TBL1X: variants seen among roughly 807,000 people sequenced by gnomAD.
The protein encoded by TBL1X is transducin beta like 1 X-linked.
Under a neutral mutation model 50.7 loss-of-function variants are expected in TBL1X, and 10 were observed. That is an observed-to-expected ratio of 0.20 (90% CI 0.12 to 0.33). The LOEUF (loss-of-function observed/expected upper bound fraction) is 0.33, where lower values mean the gene tolerates loss of function less well. Ranked by LOEUF, TBL1X falls within the 10% of genes least tolerant of loss-of-function variation. The pLI is 1.00. For synonymous variants in TBL1X, 190 were observed against 214.7 expected, an observed-to-expected ratio of 0.88 and a Z score of 1.01; for missense variants, 340 against 504.4, an observed-to-expected ratio of 0.67 and a Z score of 3.12.
intron 2 of TBL1X, among the ~76,000 whole-genome samples, chrX:9,566,259 C>T (rs1601761959): frequency 1.8e-5 from 2 of 111,938 alleles, no homozygotes; most frequent in East Asian, 5.6e-4. Flanking sequence ...CTCCGCCAGT[C>T]CTGACAAATA....
At chrX:9,587,527 T>G (rs750431875) in intron 2 of TBL1X, among the ~76,000 whole-genome samples, 1 of 111,716 alleles carries the variant, frequency 9.0e-6, no homozygotes, top group Non-Finnish European at 1.9e-5. Flanking sequence ...ATGTGCCATG[T>G]TTACCAGGGC....
intron 2 of TBL1X, among the ~76,000 whole-genome samples, chrX:9,576,536 CT>C (rs3216372): frequency 2.7e-5 from 3 of 110,175 alleles, no homozygotes; most frequent in African/African-American, 9.9e-5. Flanking sequence ...CAGGTTCATA[CT>C]TTTTTTTTCA....
chrX:9,666,467 T>A (rs1044160738), intron 5 of TBL1X, among the ~76,000 whole-genome samples: 1 of 111,816 alleles, frequency 8.9e-6, no homozygotes, highest in Non-Finnish European at 1.9e-5. Flanking sequence ...GAAACATTAA[T>A]GCATTTAGGT....
At chrX:9,696,871 G>A (rs2083134835) in intron 11 of TBL1X, among the ~76,000 whole-genome samples, 1 of 112,306 alleles carries the variant, frequency 8.9e-6, no homozygotes, top group South Asian at 3.7e-4. Context: ...TTCCATTATC[G>A]GAATGCTGAG....
chrX:9,481,909 T>TA (rs1424159002), intron 1 of TBL1X, among the ~76,000 whole-genome samples: 1 of 112,360 alleles, frequency 8.9e-6, no homozygotes, highest in African/African-American at 3.2e-5. Flanking sequence ...TAGCTGACCT[T>TA]ATGCAAACAC....
intron 2 of TBL1X, among the ~76,000 whole-genome samples, chrX:9,509,260 G>A (rs1256629141): frequency 9.7e-6 from 1 of 103,096 alleles, no homozygotes; most frequent in Non-Finnish European, 2.0e-5. Context: ...GCGTGGTGGC[G>A]GGCACCTGTA....
chrX:9,495,713 A>G (rs767272699), intron 1 of TBL1X, among the ~76,000 whole-genome samples: 3 of 111,929 alleles, frequency 2.7e-5, no homozygotes, highest in Non-Finnish European at 5.6e-5. Context: ...TATTTTCCCC[A>G]TAAGACGCAT....
At chrX:9,512,650 A>G (rs1326173895) in intron 2 of TBL1X, among the ~76,000 whole-genome samples, 1 of 110,510 alleles carries the variant, frequency 9.0e-6, no homozygotes, top group Non-Finnish European at 1.9e-5. Flanking sequence ...GGCATGCGCC[A>G]CCACGCCTGG....
intron 2 of TBL1X, among the ~76,000 whole-genome samples, chrX:9,595,577 C>T (rs1446576073): frequency 8.9e-6 from 1 of 111,842 alleles, no homozygotes; most frequent in Non-Finnish European, 1.9e-5. Context: ...CCCTTCTTGT[C>T]GGTGTCTCAC....
At chrX:9,482,008 G>A (rs1393649539) in intron 1 of TBL1X, among the ~76,000 whole-genome samples, 1 of 112,262 alleles carries the variant, frequency 8.9e-6, no homozygotes, top group East Asian at 2.8e-4. Flanking sequence ...GGACTGGAGA[G>A]AGAAATTATG....
chrX:9,630,238 C>G (rs1229671243), intron 2 of TBL1X, among the ~76,000 whole-genome samples: 1 of 111,740 alleles, frequency 8.9e-6, no homozygotes, highest in Non-Finnish European at 1.9e-5. Flanking sequence ...ATTTAGTGTC[C>G]AGGAATCACT....
chrX:9,586,940 T>G (rs1169867378), intron 2 of TBL1X, among the ~76,000 whole-genome samples: 1 of 112,044 alleles, frequency 8.9e-6, no homozygotes, highest in African/African-American at 3.2e-5. Context: ...AGCGTTACTT[T>G]TTTGTGTGCA....
chrX:9,701,830 G>A (rs1046252625), intron 12 of TBL1X, among the ~76,000 whole-genome samples: 4 of 111,455 alleles, frequency 3.6e-5, no homozygotes, highest in Non-Finnish European at 5.6e-5. Flanking sequence ...TAGCTCAGGC[G>A]ATGTTGTAAA....
chrX:9,572,054 T>C (rs1164493318), intron 2 of TBL1X, among the ~76,000 whole-genome samples: 1 of 112,031 alleles, frequency 8.9e-6, no homozygotes, highest in Non-Finnish European at 1.9e-5. Flanking sequence ...GGCTTGTGAC[T>C]ACTATTTAGA....
At chrX:9,621,285 G>C (rs1313275072) in intron 2 of TBL1X, among the ~76,000 whole-genome samples, 1 of 111,843 alleles carries the variant, frequency 8.9e-6, no homozygotes, top group African/African-American at 3.3e-5. Flanking sequence ...GCACTCAAAG[G>C]TCGGGAAGAT....
intron 2 of TBL1X, among the ~76,000 whole-genome samples, chrX:9,576,712 A>C (rs374252517): frequency 2.8e-5 from 3 of 108,053 alleles, no homozygotes; most frequent in East Asian, 2.9e-4. Context: ...AAAAAAAAAA[A>C]AAAACATCGG....
intron 2 of TBL1X, among the ~76,000 whole-genome samples, chrX:9,620,557 G>A (rs2082661400): frequency 8.9e-6 from 1 of 112,215 alleles, no homozygotes; most frequent in Non-Finnish European, 1.9e-5. Flanking sequence ...AGACTCCTGT[G>A]AGGAAGAGAT....
chrX:9,604,561 C>T (rs2082573392), intron 2 of TBL1X, among the ~76,000 whole-genome samples: 1 of 111,202 alleles, frequency 9.0e-6, no homozygotes, highest in Non-Finnish European at 1.9e-5. Flanking sequence ...AGGGAGACAT[C>T]TCTGATGTGT....
chrX:9,637,167 A>G (rs1365254873), intron 2 of TBL1X: 2 of 112,170 alleles, frequency 1.8e-5, no homozygotes, highest in African/African-American at 3.2e-5. Context: ...TTGGAGATCT[A>G]GAATTCTAAA....
Sources: allele counts gnomAD v4.1 joint callset (sites outside exome capture counted in the v4.1 genomes callset), GRCh38; gene constraint gnomAD v4.1.1; transcripts MANE v1.5; gene names NCBI Gene and HGNC (gene_info 2026-07-23, HGNC 2026-07-21).